The following GATB variants were observed in gnomAD, a reference collection of about 807,000 sequenced individuals.
The protein encoded by GATB is glutamyl-tRNA amidotransferase subunit B, also known as glutamyl-tRNA(Gln) amidotransferase subunit B, mitochondrial.
GATB carries 39 observed loss-of-function variants against 62.3 expected under a neutral mutation model. The ratio of observed to expected loss-of-function variants is 0.63; its 90% confidence interval spans 0.48 to 0.82. GATB has a LOEUF of 0.82. GATB is among the 40% of genes least tolerant of loss of function. The pLI is 0.00. For missense variants in GATB, 670 were observed against 684.0 expected (o/e 0.98, Z 0.23); for synonymous variants, 276 against 258.9 (o/e 1.07, Z -0.63).
At chr4:151,759,022 T>C (rs1739897229) in intron 1 of GATB, 100 bp from the exon 2 acceptor site, 1 of 748,820 alleles carries the variant, frequency 1.3e-6, no homozygotes, top group Non-Finnish European at 2.1e-6. Context: ...ATATGTGTTT[T>C]AAACTTAATA....
chr4:151,746,527 A>G (rs1250334073), intron 2 of GATB, among the ~76,000 whole-genome samples: 1 of 152,210 alleles, frequency 6.6e-6, no homozygotes, highest in Non-Finnish European at 1.5e-5. Flanking sequence ...CACAGTAAAG[A>G]GATTTTACTA....
In GATB at chr4:151,688,646, G is replaced by A; in HGVS notation, c.1315C>T (p.Leu439Phe). The change falls in exon 10 of 13, where the codon CTC becomes TTC. Residue 439 changes from leucine to phenylalanine, a missense_variant. Transcript: ENST00000263985. ...CTCACTCACCTCTCACTGACAGCGAGGTTCTGTTGCTTTAAATAGCCCAGA... is the reference window on the plus strand; with the variant it reads ...CTCACTCACCTCTCACTGACAGCGAAGTTCTGTTGCTTTAAATAGCCCAGA... ...TFLGYLKQQN[L>F]AVSESPVTPS... 1 of 1,609,426 alleles carries A rather than the reference G, an allele frequency of 6.2e-7. No individual in the cohort carries two copies. Among genetic ancestry groups the A allele is most frequent in the Non-Finnish European group, 8.5e-7 (1 of 1,178,812 alleles).
rs201676161 is a variant in GATB at position 151,734,460 on chromosome 4, AG to A, written c.328-14923del. Reference sequence around the variant, plus strand: ...GAAATCACAAATGACACAGACAAATAGAAACACATCCCATGTTCACGGATGG... The same window carrying A: ...GAAATCACAAATGACACAGACAAATAAAACACATCCCATGTTCACGGATGG... On this transcript the variant is annotated intron_variant, in intron 2 of 12. Transcript: ENST00000263985. Among the ~76,000 whole-genome samples the A allele has an allele frequency of 9.0e-3, 1,365 of 152,332 alleles. 15 individuals are homozygous for A. The highest frequency in any genetic ancestry group is 0.014 in the Non-Finnish European group (969 of 68,022).
chr4:151,740,300 G>A (rs1361195102), intron 2 of GATB, among the ~76,000 whole-genome samples: 1 of 152,218 alleles, frequency 6.6e-6, no homozygotes, highest in Admixed American at 6.5e-5. Context: ...CTTTGCTGTT[G>A]CATGAACATC....
At chr4:151,737,450 T>C (rs1404911021) in intron 2 of GATB, among the ~76,000 whole-genome samples, 3 of 152,182 alleles carry the variant, frequency 2.0e-5, no homozygotes, top group Non-Finnish European at 4.4e-5. Context: ...CTCCGTTTTA[T>C]AAAAGAAGCA....
At chr4:151,704,436 T>C (rs1224022994) in intron 7 of GATB, among the ~76,000 whole-genome samples, 1 of 152,028 alleles carries the variant, frequency 6.6e-6, no homozygotes, top group Non-Finnish European at 1.5e-5. Flanking sequence ...ATTATATCCC[T>C]ATAGGGTACA....
rs1491251796 is a variant in GATB at position 151,673,253 on chromosome 4, GGC to G, written c.1411-359_1411-358del. 868 of 90,068 alleles carry G rather than the reference GGC, an allele frequency of 9.6e-3. 17 individuals are homozygous for G. The highest frequency in any genetic ancestry group is 0.051 in the African/African-American group (676 of 13,188). The allele number at this position is 90,068 out of a possible 1,614,324, so 5.6% of individuals were successfully genotyped here. ...GAGTCCTGCCCGGCTGACTCCACATGGCGGGGGGGGGCCGCGGGAGGCGTGGA... is the reference window on the plus strand; with the variant it reads ...GAGTCCTGCCCGGCTGACTCCACATGGGGGGGGGGCCGCGGGAGGCGTGGA... On this transcript the variant is annotated intron_variant, in intron 11 of 12. Transcript: ENST00000263985.
At chr4:151,751,441 A>G (rs576715099) in intron 2 of GATB, among the ~76,000 whole-genome samples, 2 of 152,356 alleles carry the variant, frequency 1.3e-5, no homozygotes, top group East Asian at 3.9e-4. Context: ...CCTCACCGCC[A>G]AAGAAAAACA....
chr4:151,701,287 T>G (rs770697979), intron 9 of GATB, 42 bp downstream of exon 9: 1 of 1,462,658 alleles, frequency 6.8e-7, no homozygotes, highest in Non-Finnish European at 9.1e-7. Flanking sequence ...CACTGCCCCA[T>G]CTGCTGAGCC....
At chr4:151,685,434 CT>C (rs1738224614) in intron 10 of GATB, among the ~76,000 whole-genome samples, 1 of 152,190 alleles carries the variant, frequency 6.6e-6, no homozygotes, top group Non-Finnish European at 1.5e-5. Context: ...CTGAATCCCC[CT>C]GACGTTCCAG....
At chr4:151,707,351 T>C (rs576135520) in intron 6 of GATB, among the ~76,000 whole-genome samples, 38 of 152,306 alleles carry the variant, frequency 2.5e-4, no homozygotes, top group African/African-American at 8.4e-4. Context: ...TAGAGTGCAG[T>C]GGCGTGATCA....
chr4:151,688,803 C>CA, intron 9 of GATB, 40 bp from the exon 10 acceptor site: 1 of 1,556,900 alleles, frequency 6.4e-7, no homozygotes, highest in Non-Finnish European at 8.6e-7. Context: ...AAAGCCTCCC[C>CA]AAAAATGAAA....
At chr4:151,683,700 CTTTGT>C (rs927083472) in intron 10 of GATB, among the ~76,000 whole-genome samples, 2 of 152,226 alleles carry the variant, frequency 1.3e-5, no homozygotes, top group African/African-American at 2.4e-5. Flanking sequence ...ACATATGCTT[CTTTGT>C]TTTAACAAAG....
rs112851135 is a variant in GATB at position 151,741,693 on chromosome 4, G to A, written c.327+17079C>T. ...AGGCCAGACGAGGTCCCTCAGGTTCGCCAAGGCTCAGGTGGAGAGGAAAGC... is the reference window on the plus strand; with the variant it reads ...AGGCCAGACGAGGTCCCTCAGGTTCACCAAGGCTCAGGTGGAGAGGAAAGC... On this transcript the variant is annotated intron_variant, in intron 2 of 12. Transcript: ENST00000263985. 5.9e-5 allele frequency among the ~76,000 whole-genome samples: 9 copies of A among 152,292 alleles called. No individual in the cohort carries two copies. The East Asian group carries it at 1.2e-3, about 20-fold the overall frequency.
intron 12 of GATB, 91 bp from the exon 13 acceptor site, chr4:151,671,393 T>A: frequency 7.8e-7 from 1 of 1,275,442 alleles, no homozygotes; most frequent in Non-Finnish European, 1.1e-6. Flanking sequence ...TACTGAAAAT[T>A]AAATTCCGCT....
Position 151,683,541 on chromosome 4 carries a change from G to A in GATB, c.1332-3650C>T, listed in dbSNP as rs1243044456. 2.0e-5 allele frequency among the ~76,000 whole-genome samples: 3 copies of A among 152,176 alleles called. No homozygotes were observed. The South Asian group carries it at 6.2e-4, about 32-fold the overall frequency. On this transcript the variant is annotated intron_variant, in intron 10 of 12. Coordinates refer to ENST00000263985, the MANE Select transcript of GATB (RefSeq NM_004564.3). ...GAGGATGCCCAGGGCTGCCGCTGCTGCCTCAGGTCCTGTTTCTCTCCCTGG... is the reference window on the plus strand; with the variant it reads ...GAGGATGCCCAGGGCTGCCGCTGCTACCTCAGGTCCTGTTTCTCTCCCTGG...
intron 2 of GATB, among the ~76,000 whole-genome samples, chr4:151,743,978 T>C (rs1228446471): frequency 2.6e-5 from 4 of 152,084 alleles, no homozygotes; most frequent in Non-Finnish European, 4.4e-5. Context: ...CACATAACCA[T>C]AAAAGCAGGG....
At chr4:151,743,564 C>A (rs1739539757) in intron 2 of GATB, among the ~76,000 whole-genome samples, 2 of 152,210 alleles carry the variant, frequency 1.3e-5, no homozygotes, top group African/African-American at 4.8e-5. Flanking sequence ...AATCTGACTT[C>A]CAGCAACTTC....
intron 10 of GATB, among the ~76,000 whole-genome samples, chr4:151,684,160 C>A (rs1105534): frequency 0.6 from 90,943 of 152,084 alleles, 29,776 homozygotes; most frequent in African/African-American, 0.89. Context: ...TTCTTGGTTT[C>A]AAATCCTTCC....
Sources: gnomAD v4.1 joint callset for allele counts (sites outside exome capture counted in the v4.1 genomes callset) on GRCh38, gnomAD v4.1.1 for gene constraint, MANE v1.5 for transcripts, NCBI Gene and HGNC (gene_info 2026-07-23, HGNC 2026-07-21) for gene names.